TMEM94: variants seen among roughly 807,000 people sequenced by gnomAD.
TMEM94 encodes the protein ER Mg2+ ATPase.
TMEM94 carries 81 observed loss-of-function variants against 158.6 expected under a neutral mutation model. The ratio of observed to expected loss-of-function variants is 0.51; its 90% CI spans 0.43 to 0.61. TMEM94 has a LOEUF of 0.61. Ranked by LOEUF, TMEM94 falls within the 20% of genes least tolerant of loss-of-function variation. The probability of loss-of-function intolerance (pLI) is 0.00; values close to 1 mark genes in which losing one functional copy is unlikely to be tolerated. For missense variants in TMEM94, 1,435 were observed against 1,762.0 expected (o/e 0.81, Z 3.32); for synonymous variants, 751 against 730.7 (o/e 1.03, Z -0.45).
chr17:75,477,237 A>C (rs1350435417), intron 2 of TMEM94, among the ~76,000 whole-genome samples: 1 of 152,180 alleles, frequency 6.6e-6, no homozygotes, highest in Non-Finnish European at 1.5e-5. Context: ...AGCCAGGAAA[A>C]GGAGGAAGCA....
At chr17:75,482,203 G>A (rs939184993) in intron 2 of TMEM94, among the ~76,000 whole-genome samples, 3 of 152,046 alleles carry the variant, frequency 2.0e-5, no homozygotes, top group Non-Finnish European at 4.4e-5. Context: ...AAAATTAGCC[G>A]GGCGTGGCAG....
intron 2 of TMEM94, among the ~76,000 whole-genome samples, chr17:75,479,890 C>T (rs530705606): frequency 6.6e-6 from 1 of 152,202 alleles, no homozygotes; most frequent in Admixed American, 6.5e-5. Flanking sequence ...TACATTCCAA[C>T]TTGGGCAACA....
chr17:75,488,085 T>C lies in TMEM94; in HGVS notation c.563T>C (p.Ile188Thr), dbSNP rs1263257528. ...AGCCTGCTGGTTGAAGGAGACATCATAGCTTTGAGGCCTGGCCAGGAATCG... is the reference window on the plus strand; with the variant it reads ...AGCCTGCTGGTTGAAGGAGACATCACAGCTTTGAGGCCTGGCCAGGAATCG... ...PVSLLVEGDI[I>T]ALRPGQESFA... is the part of the protein sequence containing the mutation. Residue 188 changes from isoleucine to threonine, a missense_variant, in exon 6 of 32, where the codon ATA (isoleucine) becomes ACA (threonine). Ile to Thr is a moderately conservative substitution (Grantham distance 89). Around this residue, in one of 3 missense-constraint regions of TMEM94, gnomAD observed 1,051 missense variants for 1,254.4 expected, o/e 0.84. Transcript: ENST00000314256. 3 of 1,614,150 alleles carry C rather than the reference T, an allele frequency of 1.9e-6. No homozygotes were observed. In the Admixed American group the frequency reaches 5.0e-5, roughly 27 times the overall value.
At chr17:75,475,818 G>T (rs6501810) in intron 2 of TMEM94, among the ~76,000 whole-genome samples, 135,074 of 152,206 alleles carry the variant, frequency 0.89, 60,764 homozygotes, top group African/African-American at 0.97. Flanking sequence ...GCATGGCTGT[G>T]AGGGTCTCCG....
intron 24 of TMEM94, 126 bp downstream of exon 24, chr17:75,496,597 G>A: frequency 7.2e-7 from 1 of 1,391,748 alleles, no homozygotes; most frequent in Non-Finnish European, 1.0e-6. Context: ...GGCTCTCCCA[G>A]GCAGTTACAT....
At chr17:75,490,471 C>T in intron 10 of TMEM94, 121 bp downstream of exon 10, 2 of 1,168,608 alleles carry the variant, frequency 1.7e-6, no homozygotes. Flanking sequence ...TCAGCCTGGG[C>T]AGCTCTCCAG....
At chr17:75,463,036 AAATATATATATATATAT>A (rs1420597601) in intron 1 of TMEM94, among the ~76,000 whole-genome samples, 1 of 2,754 alleles carries the variant, frequency 3.6e-4, no homozygotes, top group Non-Finnish European at 7.1e-4. Flanking sequence ...AAAAAAAAAA[AAATATATATATATATAT>A]ATATATATAT....
chr17:75,464,672 CTTCCTTCTTTCT>C (rs1213615931), intron 1 of TMEM94, among the ~76,000 whole-genome samples: 7,646 of 85,132 alleles, frequency 0.09, 286 homozygotes, highest in Non-Finnish European at 0.12. Context: ...TCCTTCCTTC[CTTCCTTCTTTCT>C]TTCTTTCTTT....
At chr17:75,477,306 C>T (rs929413541) in intron 2 of TMEM94, among the ~76,000 whole-genome samples, 4 of 152,208 alleles carry the variant, frequency 2.6e-5, no homozygotes, top group South Asian at 2.1e-4. Context: ...TCTGGCCCAA[C>T]TCAGAAGAGT....
Position 75,494,714 on chromosome 17 carries a change from A to C in TMEM94, c.2495A>C (p.Gln832Pro). The change falls in exon 19 of 32, where the codon CAG becomes CCG. Residue 832 changes from glutamine to proline, a missense_variant. Coordinates refer to ENST00000314256, the MANE Select transcript of TMEM94 (RefSeq NM_014738.6). ...ATGGGCATGGTGTCCTCCCAGTACC[A>C]GGCCCGGCTGGACATCGTGCGCCTC... ...IFMGMVSSQY[Q>P]ARLDIVRLID... The C allele has an allele frequency of 1.2e-6, 2 of 1,613,732 alleles. No individual in the cohort carries two copies. Among genetic ancestry groups the C allele is most frequent in the Non-Finnish European group, 1.7e-6 (2 of 1,180,030 alleles).
Position 75,485,375 on chromosome 17 carries a change from C to T in TMEM94, c.25-53C>T, listed in dbSNP as rs1029633598. ...AAGGGGAGGGTTGGGGCCCGCGTGC[C>T]TTGCATAGCCTTGGCCTGGCAGTGA... On this transcript the variant is annotated intron_variant, in intron 2 of 31. Coordinates refer to ENST00000314256, the MANE Select transcript of TMEM94 (RefSeq NM_014738.6). This position sits in a 1 kb window ranked among gnomAD's most constrained non-coding sequence, Gnocchi z 5.5. 6.9e-6 allele frequency: 11 copies of T among 1,585,374 alleles called. No individual in the cohort carries two copies. The highest frequency in any genetic ancestry group is 8.6e-6 in the Non-Finnish European group (10 of 1,160,710).
chr17:75,465,727 C>T (rs1292252957), intron 1 of TMEM94, among the ~76,000 whole-genome samples: 4 of 145,832 alleles, frequency 2.7e-5, no homozygotes, highest in South Asian at 2.1e-4. Flanking sequence ...CTTTTTGAGA[C>T]GTGATTTTGG....
chr17:75,463,104 G>GTATATATATA (rs1330217321), intron 1 of TMEM94, among the ~76,000 whole-genome samples: 20 of 8,774 alleles, frequency 2.3e-3, no homozygotes, highest in South Asian at 0.011. Context: ...ATATATATGT[G>GTATATATATA]TGTATATATA....
Position 75,462,001 on chromosome 17 carries a change from G to GTTTTTTTTTTTTTTT in TMEM94, c.-107+5254_-107+5255insTTTTTTTTTTTTTTT, listed in dbSNP as rs1230233393. Reference sequence around the variant, plus strand: ...TAAATTTTACAGTTTTTTTTGTTTTGTTTTGTTTTGTTTTTTTTTTTTTTG... The same window carrying GTTTTTTTTTTTTTTT: ...TAAATTTTACAGTTTTTTTTGTTTTGTTTTTTTTTTTTTTTTTTTGTTTTGTTTTTTTTTTTTTTG... On this transcript the variant is annotated intron_variant, in intron 1 of 31. Transcript: ENST00000314256. Among the ~76,000 whole-genome samples the GTTTTTTTTTTTTTTT allele has an allele frequency of 2.5e-3, 214 of 85,680 alleles. 33 individuals carry two copies. The highest frequency in any genetic ancestry group is 3.2e-3 in the South Asian group (8 of 2,466). The allele number at this position is 85,680 out of a possible 152,430, so 56.2% of individuals were successfully genotyped here. A position where few individuals can be genotyped will look rare whatever the true frequency, so the allele number is the denominator to read the frequency against.
chr17:75,493,392 G>A (rs972951967), intron 16 of TMEM94, 99 bp from the exon 17 acceptor site: 8 of 1,218,586 alleles, frequency 6.6e-6, no homozygotes, highest in African/African-American at 1.5e-5. Flanking sequence ...TCTGGCAGGG[G>A]CTCCTCAGCG....
intron 6 of TMEM94, among the ~76,000 whole-genome samples, chr17:75,488,394 A>G (rs541598870): frequency 6.6e-6 from 1 of 152,252 alleles, no homozygotes; most frequent in South Asian, 2.1e-4. Flanking sequence ...CTCCCACCTC[A>G]GCCTCCCCAG....
chr17:75,496,986 C>A, intron 25 of TMEM94, 127 bp from the exon 26 acceptor site: 1 of 1,028,714 alleles, frequency 9.7e-7, no homozygotes, highest in Non-Finnish European at 1.5e-6. Context: ...GTATTCCCTC[C>A]GGCCCCTGTT....
At chr17:75,478,041 A>G (rs1598348555) in intron 2 of TMEM94, among the ~76,000 whole-genome samples, 2 of 74,028 alleles carry the variant, frequency 2.7e-5, no homozygotes, top group Admixed American at 2.0e-4. Context: ...TTTGAGACGG[A>G]GTCTCGCTCT....
rs1187466368 is a variant in TMEM94, at chr17:75,485,527, A to G, written c.124A>G (p.Lys42Glu). The change falls in exon 3 of 32, where the codon AAG becomes GAG. Residue 42 changes from lysine (K) to glutamate (E), a missense_variant. Coordinates refer to ENST00000314256, the MANE Select transcript of TMEM94 (RefSeq NM_014738.6). This position sits in a 1 kb window ranked among gnomAD's most constrained non-coding sequence, Gnocchi z 5.5. ...GCTGGAAGGACATCTCAGGGAGCGG[A>G]AGAAGTGTCTGACGTGGAAGGTGAA... ...AVLEGHLRER[K>E]KCLTWKEVWR... The G allele has an allele frequency of 1.9e-6, 3 of 1,614,158 alleles. No individual in the cohort carries two copies. The highest frequency in any genetic ancestry group is 1.6e-4 in the Middle Eastern group (1 of 6,062).
Sources: gnomAD v4.1 joint callset for allele counts (sites outside exome capture counted in the v4.1 genomes callset) on GRCh38, gnomAD v4.1.1 for gene constraint, gnomAD v4.1.1 regional missense constraint, Gnocchi (gnomAD v3.1) non-coding constraint, MANE v1.5 for transcripts, NCBI Gene and HGNC (gene_info 2026-07-23, HGNC 2026-07-21) for gene names.